NEXMIF: variants seen among roughly 807,000 people sequenced by gnomAD.
NEXMIF encodes XLMR protein related to neurite extension.
Under a neutral mutation model 62.1 loss-of-function variants are expected in NEXMIF, and 8 were observed. That is an observed-to-expected ratio of 0.13 (90% CI 0.08 to 0.23). The LOEUF (loss-of-function observed/expected upper bound fraction) is 0.23. NEXMIF is among the 10% of genes least tolerant of loss of function. The pLI is 1.00. For missense variants in NEXMIF, 976 were observed against 1,113.3 expected (o/e 0.88, Z 1.75); for synonymous variants, 404 against 416.6 (o/e 0.97, Z 0.37).
At chrX:74,763,917 G>C (rs1204270268) in intron 1 of NEXMIF, among the ~76,000 whole-genome samples, 1 of 111,626 alleles carries the variant, frequency 9.0e-6, no homozygotes, top group Admixed American at 9.5e-5. Context: ...CTGCAAACAG[G>C]GACAATTTGA....
intron 1 of NEXMIF, among the ~76,000 whole-genome samples, chrX:74,865,927 C>T (rs2080577456): frequency 9.0e-6 from 1 of 111,354 alleles, no homozygotes; most frequent in Non-Finnish European, 1.9e-5. Context: ...CGGGGTGGGG[C>T]CCTCATGGAG....
In NEXMIF at chrX:74,876,144, C is replaced by A. The variant is rs759829304; in HGVS notation, c.-48+48739G>T. On this transcript the variant is annotated intron_variant, in intron 1 of 3. Transcript: ENST00000055682. ...TGGGCATTTAGTGCTATAAATTTCC[C>A]TCCACACACTGCTTTGAATGTGTCC... 4.5e-5 allele frequency among the ~76,000 whole-genome samples: 5 copies of A among 110,852 alleles called. No homozygotes were observed. In the East Asian group the frequency reaches 1.4e-3, roughly 31 times the overall value.
chrX:74,895,674 T>C (rs1312746056), intron 1 of NEXMIF, among the ~76,000 whole-genome samples: 1 of 111,098 alleles, frequency 9.0e-6, no homozygotes, highest in East Asian at 2.8e-4. Flanking sequence ...AGTGAACTCA[T>C]TTTCCACAAA....
At chrX:74,753,472 C>G (rs1051783226) in intron 1 of NEXMIF, among the ~76,000 whole-genome samples, 2 of 111,822 alleles carry the variant, frequency 1.8e-5, no homozygotes, top group African/African-American at 6.5e-5. Context: ...TGTAAGTTAT[C>G]AATAAAAATA....
At chrX:74,904,509 T>C (rs1240827210) in intron 1 of NEXMIF, among the ~76,000 whole-genome samples, 1 of 111,489 alleles carries the variant, frequency 9.0e-6, no homozygotes, top group Non-Finnish European at 1.9e-5. Context: ...CATTATAAAG[T>C]TAAGTGGAAA....
chrX:74,757,391 A>G (rs1048476393), intron 1 of NEXMIF, among the ~76,000 whole-genome samples: 1 of 112,064 alleles, frequency 8.9e-6, no homozygotes, highest in Admixed American at 9.5e-5. Context: ...ATGTCATCAT[A>G]TTCTTCAATT....
At chrX:74,815,110 A>G (rs2080371991) in intron 1 of NEXMIF, among the ~76,000 whole-genome samples, 1 of 112,669 alleles carries the variant, frequency 8.9e-6, no homozygotes, top group African/African-American at 3.2e-5. Flanking sequence ...ATAGGTATGT[A>G]ATTAAAGTAG....
rs763066466 is a variant in NEXMIF at position 74,781,378 on chromosome X, C to A, written c.-47-35681G>T. Among the ~76,000 whole-genome samples the A allele has an allele frequency of 2.7e-5, 3 of 111,987 alleles. No individual in the cohort carries two copies. The South Asian group carries it at 1.1e-3, about 41-fold the overall frequency. On this transcript the variant is annotated intron_variant, in intron 1 of 3. Transcript: ENST00000055682. The stretch of plus-strand genomic sequence containing the variant: ...CAAATGTGCAGTTGGTATGGAACAA[C>A]AAACCATAACGTTTGAAAAAGAGAG...
In NEXMIF at chrX:74,925,442, C is replaced by T; in HGVS notation, c.-607G>A. ...GCGGCTGCTGCTGCTGCTGCTGATGCTACTGGTTTTCCTTCCCAGGTTCTT... is the reference window on the plus strand; with the variant it reads ...GCGGCTGCTGCTGCTGCTGCTGATGTTACTGGTTTTCCTTCCCAGGTTCTT... On this transcript the variant is annotated 5_prime_UTR_variant, in exon 1 of 4. Transcript: ENST00000055682. The T allele has an allele frequency of 1.6e-5, 3 of 186,915 alleles. No individual in the cohort carries two copies. In the South Asian group the frequency reaches 2.1e-4, roughly 13 times the overall value. The allele number at this position is 186,915 out of a possible 1,213,427, so 15.4% of individuals were successfully genotyped here.
intron 1 of NEXMIF, among the ~76,000 whole-genome samples, chrX:74,802,375 G>A (rs1355801811): frequency 9.0e-6 from 1 of 111,233 alleles, no homozygotes; most frequent in Non-Finnish European, 1.9e-5. Context: ...GAGAGTGTCT[G>A]TTTGTTTGGG....
In NEXMIF at chrX:74,849,548, G is replaced by A. The variant is rs150420908; in HGVS notation, c.-48+75335C>T. 7.1e-5 allele frequency among the ~76,000 whole-genome samples: 8 copies of A among 112,286 alleles called. No individual in the cohort carries two copies. In the East Asian group the frequency reaches 2.3e-3, roughly 32 times the overall value. ...TCCAACTCCTAAGAAGCTGCAGCAT[G>A]TCTCCATTTTGAAAGGCCAGGCCCC... On this transcript the variant is annotated intron_variant, in intron 1 of 3. Coordinates refer to ENST00000055682, the MANE Select transcript of NEXMIF (RefSeq NM_001008537.3).
At chrX:74,918,855 G>T in intron 1 of NEXMIF, among the ~76,000 whole-genome samples, 1 of 112,133 alleles carries the variant, frequency 8.9e-6, no homozygotes, top group Non-Finnish European at 1.9e-5. Flanking sequence ...TTTAACTCCT[G>T]CCCTAGATCG....
intron 1 of NEXMIF, among the ~76,000 whole-genome samples, chrX:74,882,586 G>C (rs1188341356): frequency 1.8e-5 from 2 of 111,922 alleles, no homozygotes; most frequent in Non-Finnish European, 1.9e-5. Flanking sequence ...CAAGGTGGCA[G>C]TGAGGTTGGG....
intron 1 of NEXMIF, among the ~76,000 whole-genome samples, chrX:74,754,391 CT>C (rs1762216681): frequency 9.3e-6 from 1 of 107,623 alleles, no homozygotes; most frequent in South Asian, 4.2e-4. Context: ...TCACTGCAAC[CT>C]CTGCCACCTG....
rs1281329703 is a variant in NEXMIF, at chrX:74,741,076, C to T, written c.3481G>A (p.Asp1161Asn). 1.7e-6 allele frequency: 2 copies of T among 1,211,582 alleles called. No individual in the cohort carries two copies. Among genetic ancestry groups the T allele is most frequent in the South Asian group, 1.8e-5 (1 of 56,991 alleles). ...TTGGTACTAATTTGACCAGATGGATCATTAAATGTTGACAGGCAAGGGTTT... is the reference window on the plus strand; with the variant it reads ...TTGGTACTAATTTGACCAGATGGATTATTAAATGTTGACAGGCAAGGGTTT... ...QKNPCLSTFN[D>N]PSGQISTNNK... The change falls in exon 3 of 4, where the codon GAT becomes AAT. Residue 1161 changes from aspartate to asparagine, a missense_variant. Physicochemically the swap from Asp to Asn is conservative, Grantham distance 23. Transcript: ENST00000055682.
intron 1 of NEXMIF, among the ~76,000 whole-genome samples, chrX:74,913,413 T>C (rs181733919): frequency 1.8e-3 from 202 of 111,049 alleles, no homozygotes; most frequent in African/African-American, 6.0e-3. Flanking sequence ...CCTGTAGAAC[T>C]ACAAAAACAA....
At chrX:74,845,256 C>T (rs1336976559) in intron 1 of NEXMIF, among the ~76,000 whole-genome samples, 2 of 111,046 alleles carry the variant, frequency 1.8e-5, no homozygotes, top group South Asian at 3.8e-4. Flanking sequence ...ATAAAAAATA[C>T]CCCACACACC....
chrX:74,786,864 T>TGC (rs1317605660), intron 1 of NEXMIF, among the ~76,000 whole-genome samples: 2 of 110,036 alleles, frequency 1.8e-5, no homozygotes, highest in African/African-American at 3.3e-5. Flanking sequence ...TGTGCGTGTG[T>TGC]GCACACACAC....
chrX:74,786,018 GAGTT>G (rs2080259329), intron 1 of NEXMIF, among the ~76,000 whole-genome samples: 1 of 112,495 alleles, frequency 8.9e-6, no homozygotes, highest in Non-Finnish European at 1.9e-5. Context: ...GCAAATGAAT[GAGTT>G]AGTCTACAGC....
Sources: gnomAD v4.1 joint callset for allele counts (sites outside exome capture counted in the v4.1 genomes callset) on GRCh38, gnomAD v4.1.1 for gene constraint, MANE v1.5 for transcripts, NCBI Gene and HGNC (gene_info 2026-07-23, HGNC 2026-07-21) for gene names.